The following SEM1 variants were observed in gnomAD, a reference collection of about 807,000 sequenced individuals.
SEM1 encodes SEM1 26S proteasome subunit.
In SEM1, 3 loss-of-function variants were observed where a neutral mutation model predicts 12.7. The observed-to-expected ratio is 0.24, with a 90% CI of 0.11 to 0.61. SEM1 has a LOEUF of 0.61. Ranked by LOEUF, SEM1 falls within the 20% of genes least tolerant of loss-of-function variation. SEM1 has a pLI of 0.88. For missense variants in SEM1, 59 were observed against 81.3 expected (o/e 0.73, Z 1.06); for synonymous variants, 30 against 27.8 (o/e 1.08, Z -0.25).
intron 2 of SEM1, among the ~76,000 whole-genome samples, chr7:96,678,263 G>A (rs1469655209): frequency 1.3e-5 from 2 of 152,048 alleles, no homozygotes; most frequent in Non-Finnish European, 2.9e-5. Flanking sequence ...TGGCTTTGAG[G>A]TTATTTCTTC....
At chr7:96,584,817 A>G (rs1052856671) in intron 2 of SEM1, among the ~76,000 whole-genome samples, 3 of 151,954 alleles carry the variant, frequency 2.0e-5, no homozygotes, top group Non-Finnish European at 2.9e-5. Context: ...TTTCAGCTCC[A>G]TCAGCTCCTT....
chr7:96,539,763 A>G (rs911582013), intron 2 of SEM1, among the ~76,000 whole-genome samples: 3 of 151,826 alleles, frequency 2.0e-5, no homozygotes, highest in East Asian at 3.9e-4. Context: ...GGCCTGTTTC[A>G]TGATATGTGC....
rs1277894654 is a variant in SEM1 at position 96,640,998 on chromosome 7, C to T, written c.171-18355G>A. ...AAGACCAGCATTTCTTACCAGTAAA[C>T]TTTTTTAAATATTATGTTTTTCTAT... On this transcript the variant is annotated intron_variant, in intron 2 of 2. Coordinates refer to the SEM1 transcript ENST00000417009. This position sits in a 1 kb window ranked among gnomAD's most constrained non-coding sequence, Gnocchi z 4.0. Among the ~76,000 whole-genome samples the T allele has an allele frequency of 1.3e-5, 2 of 151,876 alleles. No individual in the cohort carries two copies. Among genetic ancestry groups the T allele is most frequent in the South Asian group, 2.1e-4 (1 of 4,828 alleles).
At chr7:96,573,407 G>A (rs535981541) in intron 2 of SEM1, among the ~76,000 whole-genome samples, 1 of 152,294 alleles carries the variant, frequency 6.6e-6, no homozygotes, top group South Asian at 2.1e-4. Flanking sequence ...GCTGGTACCG[G>A]TTGTTCCTTT....
At chr7:96,559,582 T>G (rs1450013374) in intron 2 of SEM1, among the ~76,000 whole-genome samples, 1 of 152,208 alleles carries the variant, frequency 6.6e-6, no homozygotes, top group Non-Finnish European at 1.5e-5. Context: ...CCCAAATGAA[T>G]TATTAAAACA....
chr7:96,598,286 T>C (rs1807068039), intron 2 of SEM1, among the ~76,000 whole-genome samples: 1 of 152,138 alleles, frequency 6.6e-6, no homozygotes, highest in African/African-American at 2.4e-5. Context: ...CTGGATAGAA[T>C]GCACAGAATT....
intron 2 of SEM1, among the ~76,000 whole-genome samples, chr7:96,660,042 A>T (rs976715033): frequency 6.6e-6 from 1 of 152,130 alleles, no homozygotes; most frequent in African/African-American, 2.4e-5. Flanking sequence ...ACTGTTGATT[A>T]TAAGCAGTTC....
chr7:96,637,264 C>T (rs1317912850), intron 2 of SEM1: 4 of 152,052 alleles, frequency 2.6e-5, no homozygotes, highest in African/African-American at 4.8e-5. Context: ...TGTCTCAGTG[C>T]GTTCTTCACC....
chr7:96,490,245 A>T (rs1224250003), intron 1 of SEM1, among the ~76,000 whole-genome samples: 2 of 152,188 alleles, frequency 1.3e-5, no homozygotes, highest in Non-Finnish European at 2.9e-5. Flanking sequence ...GCAGATTCCA[A>T]GGACGTTGAA....
chr7:96,548,451 G>A (rs1805167580), intron 2 of SEM1, among the ~76,000 whole-genome samples: 1 of 152,048 alleles, frequency 6.6e-6, no homozygotes, highest in African/African-American at 2.4e-5. Flanking sequence ...CCCACCCCAG[G>A]CCTACTGAAT....
intron 2 of SEM1, among the ~76,000 whole-genome samples, chr7:96,555,160 A>C (rs557399570): frequency 9.8e-6 from 1 of 102,492 alleles, no homozygotes; most frequent in Non-Finnish European, 2.8e-5. Context: ...TCCTGGATTC[A>C]TTAATTTTTT....
intron 2 of SEM1, among the ~76,000 whole-genome samples, chr7:96,512,182 A>C (rs1243267017): frequency 1.3e-5 from 2 of 152,068 alleles, no homozygotes; most frequent in African/African-American, 2.4e-5. Context: ...ACCATTATTT[A>C]AGGCCCATAT....
intron 2 of SEM1, among the ~76,000 whole-genome samples, chr7:96,569,800 T>C (rs11773448): frequency 0.31 from 47,175 of 151,992 alleles, 7,357 homozygotes; most frequent in Middle Eastern, 0.32. Flanking sequence ...GTTTTGACTT[T>C]GTTTCTGAGT....
exon 4 of SEM1, chr7:96,482,671 T>C (rs1469763084): frequency 6.6e-6 from 1 of 152,192 alleles, no homozygotes; most frequent in African/African-American, 2.4e-5. Context: ...GGGGCAAATG[T>C]TTCCCGGTCA....
At chr7:96,557,295 C>T (rs1382046829) in intron 2 of SEM1, among the ~76,000 whole-genome samples, 2 of 147,634 alleles carry the variant, frequency 1.4e-5, no homozygotes, top group African/African-American at 4.9e-5. Context: ...AGTTTTTCTG[C>T]TCTGTTTTTT....
chr7:96,489,283 C>T (rs1454919945), intron 1 of SEM1, among the ~76,000 whole-genome samples: 1 of 152,134 alleles, frequency 6.6e-6, no homozygotes, highest in Non-Finnish European at 1.5e-5. Flanking sequence ...TCAACCAGAA[C>T]AATGGTTCTC....
At chr7:96,505,159 G>T (rs968437528) in intron 3 of SEM1, among the ~76,000 whole-genome samples, 2 of 151,926 alleles carry the variant, frequency 1.3e-5, no homozygotes, top group African/African-American at 4.8e-5. Flanking sequence ...CTGGAGTGCA[G>T]TGGTGCCATC....
At chr7:96,627,957 G>A (rs1808125270) in intron 2 of SEM1, among the ~76,000 whole-genome samples, 2 of 151,992 alleles carry the variant, frequency 1.3e-5, no homozygotes, top group African/African-American at 4.8e-5. Context: ...CTCCGGTGTT[G>A]GGTGCATATA....
At chr7:96,671,139 A>G (rs1789305381), downstream of SEM1, among the ~76,000 whole-genome samples, 1 of 152,208 alleles carries the variant, frequency 6.6e-6, no homozygotes, top group Non-Finnish European at 1.5e-5. Flanking sequence ...CAATGTCCAC[A>G]GCTATTTTGT....
Sources: gnomAD v4.1 joint callset for allele counts (sites outside exome capture counted in the v4.1 genomes callset) on GRCh38, gnomAD v4.1.1 for gene constraint, Gnocchi (gnomAD v3.1) non-coding constraint, MANE v1.5 for transcripts, NCBI Gene and HGNC (gene_info 2026-07-23, HGNC 2026-07-21) for gene names.